The following GNB4 variants were observed in gnomAD, a reference collection of about 807,000 sequenced individuals.
GNB4 encodes the protein guanine nucleotide-binding protein subunit beta-4.
Under a neutral mutation model 45.2 loss-of-function variants are expected in GNB4, and 28 were observed. That is an observed-to-expected ratio of 0.62 (90% CI 0.46 to 0.85). The LOEUF (loss-of-function observed/expected upper bound fraction) is 0.85, where lower values mean the gene tolerates loss of function less well. Among genes scored for constraint, GNB4 ranks in the 40% least tolerant of loss-of-function variants. The pLI is 0.00. For missense variants in GNB4, 321 were observed against 425.4 expected (o/e 0.75, Z 2.16); for synonymous variants, 132 against 143.7 (o/e 0.92, Z 0.58).
chr3:179,489,414 T>C, the GNB4 span, among the ~76,000 whole-genome samples: 1 of 151,906 alleles, frequency 6.6e-6, no homozygotes, highest in Non-Finnish European at 1.5e-5. Context: ...GGAGGAGGAT[T>C]GTTTGAAGCC....
chr3:179,481,094 G>A, the GNB4 span, among the ~76,000 whole-genome samples: 5 of 151,632 alleles, frequency 3.3e-5, no homozygotes, highest in Non-Finnish European at 5.9e-5. Flanking sequence ...CTCGTGATCC[G>A]CCCGCCTCGG....
At chr3:179,462,323 C>T in the GNB4 span, among the ~76,000 whole-genome samples, 509 of 152,304 alleles carry the variant, frequency 3.3e-3, no homozygotes, top group Admixed American at 5.8e-3. Context: ...GTCTAAACTA[C>T]TCTTGTGTAC....
the GNB4 span, among the ~76,000 whole-genome samples, chr3:179,517,026 CTT>C: frequency 6.6e-6 from 1 of 152,142 alleles, no homozygotes; most frequent in Non-Finnish European, 1.5e-5. Flanking sequence ...GAGGAAACCT[CTT>C]TCAGTCCATA....
intron 8 of GNB4, among the ~76,000 whole-genome samples, chr3:179,412,147 T>C (rs1160762520): frequency 4.7e-5 from 7 of 147,656 alleles, no homozygotes; most frequent in Non-Finnish European, 1.0e-4. Context: ...GTTTAGGTAG[T>C]TTTTTTAAAT....
chr3:179,475,177 G>A, the GNB4 span, among the ~76,000 whole-genome samples: 78 of 151,972 alleles, frequency 5.1e-4, no homozygotes, highest in African/African-American at 1.9e-3. Context: ...GAGTGCAGTG[G>A]CACAATCTCA....
the GNB4 span, among the ~76,000 whole-genome samples, chr3:179,522,824 CAGTA>C: frequency 6.6e-6 from 1 of 152,050 alleles, no homozygotes; most frequent in South Asian, 2.1e-4. Context: ...CAGCCTAAAA[CAGTA>C]AGGGCAAGTT....
the GNB4 span, among the ~76,000 whole-genome samples, chr3:179,497,257 G>C: frequency 6.6e-6 from 1 of 151,836 alleles, no homozygotes; most frequent in African/African-American, 2.4e-5. Flanking sequence ...AATGGAGAAA[G>C]GATAGAATCT....
chr3:179,426,809 C>G (rs1200813261), intron 1 of GNB4, among the ~76,000 whole-genome samples: 1 of 152,166 alleles, frequency 6.6e-6, no homozygotes, highest in Non-Finnish European at 1.5e-5. Flanking sequence ...TGTCTGGGTC[C>G]ACATCACCAT....
chr3:179,468,035 A>ATATATATATATATATATATATAT, the GNB4 span, among the ~76,000 whole-genome samples: 1 of 89,856 alleles, frequency 1.1e-5, no homozygotes, highest in African/African-American at 4.0e-5. Context: ...TGTTGATAAA[A>ATATATATATATATATATATATAT]ATATATATAT....
chr3:179,522,118 C>T, the GNB4 span, among the ~76,000 whole-genome samples: 8 of 152,120 alleles, frequency 5.3e-5, no homozygotes, highest in African/African-American at 1.9e-4. Flanking sequence ...CATCATATCC[C>T]CTGTGACCTG....
At chr3:179,488,614 GA>G in the GNB4 span, among the ~76,000 whole-genome samples, 19 of 152,008 alleles carry the variant, frequency 1.2e-4, no homozygotes, top group Non-Finnish European at 2.9e-5. Flanking sequence ...ATTTGAAATC[GA>G]AAATGCTCTA....
At chr3:179,411,568 A>G (rs3853149) in intron 8 of GNB4, among the ~76,000 whole-genome samples, 106,310 of 151,822 alleles carry the variant, frequency 0.7, 37,554 homozygotes, top group African/African-American at 0.77. Flanking sequence ...AGTATTTGAC[A>G]AAAATTCAAC....
the GNB4 span, among the ~76,000 whole-genome samples, chr3:179,468,035 A>AAAAAAAAAATATATATATATATATATAT: frequency 3.0e-4 from 27 of 89,860 alleles, no homozygotes; most frequent in African/African-American, 1.0e-3. Flanking sequence ...TGTTGATAAA[A>AAAAAAAAAATATATATATATATATATAT]ATATATATAT....
the GNB4 span, among the ~76,000 whole-genome samples, chr3:179,511,345 C>T: frequency 1.3e-5 from 2 of 152,208 alleles, no homozygotes; most frequent in Non-Finnish European, 2.9e-5. Flanking sequence ...ATACTCCCTA[C>T]CCAGAGCAGG....
chr3:179,437,332 A>G (rs1715478988), intron 1 of GNB4, among the ~76,000 whole-genome samples: 1 of 152,180 alleles, frequency 6.6e-6, no homozygotes, highest in Non-Finnish European at 1.5e-5. Context: ...TGGGAGGCCG[A>G]GGCAGGCGGA....
the GNB4 span, among the ~76,000 whole-genome samples, chr3:179,467,309 G>T: frequency 6.6e-6 from 1 of 152,166 alleles, no homozygotes; most frequent in East Asian, 1.9e-4. Flanking sequence ...ACTGTGCCTG[G>T]CAAGAATTTA....
chr3:179,437,725 T>C (rs1715494452), intron 1 of GNB4: 1 of 152,126 alleles, frequency 6.6e-6, no homozygotes, highest in Non-Finnish European at 1.5e-5. Context: ...TATTTCTAAA[T>C]TGTTAAGAGA....
the GNB4 span, among the ~76,000 whole-genome samples, chr3:179,485,259 G>T: frequency 6.6e-6 from 1 of 151,948 alleles, no homozygotes; most frequent in African/African-American, 2.4e-5. Context: ...TGATCCGCCC[G>T]CCTCGGCCTC....
the GNB4 span, among the ~76,000 whole-genome samples, chr3:179,468,268 G>T: frequency 6.6e-6 from 1 of 151,476 alleles, no homozygotes; most frequent in African/African-American, 2.4e-5. Context: ...GGCTGAGGTG[G>T]GTGGATCACC....
Sources: allele counts gnomAD v4.1 joint callset (sites outside exome capture counted in the v4.1 genomes callset), GRCh38; gene constraint gnomAD v4.1.1; transcripts MANE v1.5; gene names NCBI Gene and HGNC (gene_info 2026-07-23, HGNC 2026-07-21).